The following SUN3 variants were observed in gnomAD, a reference collection of about 807,000 sequenced individuals.
The protein encoded by SUN3 is SUN domain-containing protein 3.
A neutral mutation model predicts 48.2 loss-of-function variants in SUN3; 36 were observed. The observed-to-expected ratio is 0.75, with a 90% CI of 0.57 to 0.99. The LOEUF (loss-of-function observed/expected upper bound fraction) is 0.99, where lower values mean the gene tolerates loss of function less well. SUN3 is among the 50% of genes least tolerant of loss of function. The pLI is 0.00. For synonymous variants in SUN3, 148 were observed against 147.9 expected, an observed-to-expected ratio of 1.00 and a Z score of 0.00; for missense variants, 419 against 433.1, an observed-to-expected ratio of 0.97 and a Z score of 0.29.
rs762227525 is a variant in SUN3 at position 48,007,192 on chromosome 7, G to T, written c.465C>A (p.Asp155Glu). The T allele has an allele frequency of 6.2e-7, 1 of 1,613,944 alleles. No individual in the cohort carries two copies. Among genetic ancestry groups the T allele is most frequent in the Non-Finnish European group, 8.5e-7 (1 of 1,179,918 alleles). Residue 155 changes from aspartate to glutamate, a missense_variant, in exon 5 of 10, where the codon GAC (aspartate) becomes GAA (glutamate). Asp to Glu is a conservative substitution (Grantham distance 45, BLOSUM62 2). Transcript: ENST00000297325. ...DNNHNWNTHG[D>E]PVEDPDHTEE... ...CTGTGTGGTCCGGGTCCTCCACAGG[G>T]TCTCCATGGGTGTTCCAGTTGTGAT...
chr7:47,998,035 A>T (rs926541022), intron 6 of SUN3, among the ~76,000 whole-genome samples: 2 of 152,246 alleles, frequency 1.3e-5, no homozygotes, highest in East Asian at 3.8e-4. Flanking sequence ...GTTGCTATAG[A>T]CATTCTTGGC....
intron 6 of SUN3, among the ~76,000 whole-genome samples, chr7:47,999,618 C>T (rs1291442331): frequency 6.6e-6 from 1 of 152,212 alleles, no homozygotes; most frequent in African/African-American, 2.4e-5. Flanking sequence ...CTGCAATTTC[C>T]GCCTCGCCTT....
rs1396565875 is a variant in SUN3, at chr7:48,006,013, C to G, written c.533G>C (p.Arg178Thr). 1.2e-6 allele frequency: 2 copies of G among 1,613,254 alleles called. No individual in the cohort carries two copies. Among genetic ancestry groups the G allele is most frequent in the African/African-American group, 1.3e-5 (1 of 74,800 alleles). Residue 178 changes from arginine to threonine, a missense_variant, in exon 6 of 10, where the codon AGA (arginine) becomes ACA (threonine). Arg to Thr is a moderately conservative substitution (Grantham distance 71, BLOSUM62 -1). Transcript: ENST00000297325. ...ATCAGCCATCTCGACTTGGTCTTCT[C>G]TCAACTTTTTAAGTACATAATTGAC... is the stretch of plus-strand genomic sequence containing the variant. ...NLVNYVLKKL[R>T]EDQVEMADYA...
At chr7:47,990,195 C>CTCGGGGTTTTACACCCGGGGTTTCAA (rs1241354146) in intron 8 of SUN3, among the ~76,000 whole-genome samples, 1 of 152,146 alleles carries the variant, frequency 6.6e-6, no homozygotes, top group Non-Finnish European at 1.5e-5. Context: ...AATGGAATGT[C>CTCGGGGTTTTACACCCGGGGTTTCAA]TCGGTGTAAA....
At chr7:48,029,796 C>A (rs1319304018), upstream of SUN3, among the ~76,000 whole-genome samples, 2 of 152,190 alleles carry the variant, frequency 1.3e-5, no homozygotes, top group Non-Finnish European at 2.9e-5. Flanking sequence ...ACAGTCATTT[C>A]ACTCTCAGCA....
intron 8 of SUN3, among the ~76,000 whole-genome samples, chr7:47,993,516 T>C (rs1198441506): frequency 6.6e-6 from 1 of 152,182 alleles, no homozygotes; most frequent in South Asian, 2.1e-4. Context: ...ACATCATAAA[T>C]GAACCTTGAA....
chr7:48,017,161 T>G, intron 3 of SUN3, 101 bp downstream of exon 3: 1 of 633,416 alleles, frequency 1.6e-6, no homozygotes, highest in South Asian at 2.0e-5. Flanking sequence ...TTATTAGATA[T>G]TCTCATATAA....
At chr7:47,996,258 GAGGTAAAATTCATACTC>G in intron 6 of SUN3, 112 bp from the exon 7 acceptor site, 1 of 600,246 alleles carries the variant, frequency 1.7e-6, no homozygotes. Flanking sequence ...AATTATAAGC[GAGGTAAAATTCATACTC>G]AGGAATTGAT....
At chr7:48,009,917 G>C (rs965740343) in intron 3 of SUN3, among the ~76,000 whole-genome samples, 3 of 152,244 alleles carry the variant, frequency 2.0e-5, no homozygotes, top group African/African-American at 7.2e-5. Flanking sequence ...AAGAACTTGG[G>C]TCTGGGTGGC....
chr7:48,008,100 A>T (rs1244912162), intron 4 of SUN3, among the ~76,000 whole-genome samples: 1 of 152,218 alleles, frequency 6.6e-6, no homozygotes, highest in Non-Finnish European at 1.5e-5. Context: ...CTGGGATTAC[A>T]GGCGTGAGCC....
intron 3 of SUN3, among the ~76,000 whole-genome samples, chr7:48,011,979 T>C (rs1562608599): frequency 2.6e-5 from 4 of 152,166 alleles, no homozygotes. Flanking sequence ...ATGGCCAAAA[T>C]TTACCACATC....
chr7:48,026,546 C>G (rs1790139416), intron 1 of SUN3, among the ~76,000 whole-genome samples: 2 of 151,276 alleles, frequency 1.3e-5, no homozygotes, highest in Non-Finnish European at 2.9e-5. Flanking sequence ...ATTGAGCATA[C>G]TCAGTTCTGT....
At chr7:48,025,652 A>C (rs542743492) in intron 2 of SUN3, among the ~76,000 whole-genome samples, 5 of 152,366 alleles carry the variant, frequency 3.3e-5, no homozygotes, top group African/African-American at 9.6e-5. Flanking sequence ...GCAAACCACA[A>C]TTCTAAAAGA....
chr7:47,997,680 A>G (rs1789250719), intron 6 of SUN3, among the ~76,000 whole-genome samples: 1 of 152,190 alleles, frequency 6.6e-6, no homozygotes, highest in Non-Finnish European at 1.5e-5. Context: ...ATTTTAGAAC[A>G]TTTAGTCAAC....
rs1276284229 is a variant in SUN3, at chr7:47,996,162, A to C, written c.578-16T>G. 1 of 1,381,706 alleles carries C rather than the reference A, an allele frequency of 7.2e-7. No individual in the cohort carries two copies. The highest frequency in any genetic ancestry group is 2.2e-5 in the Admixed American group (1 of 45,290). 85.6% of individuals were successfully genotyped at this position (1,381,706 alleles called of 1,614,324 possible). A position where few individuals can be genotyped will look rare whatever the true frequency, so the allele number is the denominator to read the frequency against. ...ATGGAGGCTCCTAAAATTATAAAGT[A>C]AGTTGTAAAATAAAGAAACAACATA... is the stretch of plus-strand genomic sequence containing the variant. On this transcript the variant is annotated splice_polypyrimidine_tract_variant and intron_variant, in intron 6 of 9. Coordinates refer to ENST00000297325, the MANE Select transcript of SUN3 (RefSeq NM_001030019.2).
At chr7:48,029,196 T>C, upstream of SUN3, 1 of 440,232 alleles carries the variant, frequency 2.3e-6, no homozygotes, top group South Asian at 2.4e-5. Context: ...ACCACCTCTC[T>C]GCTTCAAGGG....
rs754675072 is a variant in SUN3, at chr7:48,028,982, C to A, written c.-44G>T. The A allele has an allele frequency of 6.2e-7, 1 of 1,611,028 alleles. No homozygotes were observed. Among genetic ancestry groups the A allele is most frequent in the East Asian group, 2.2e-5 (1 of 44,858 alleles). ...AAACAGCTGGTAGGATGAAGAGCAACATTTGTCCTCATTCCTATTTTATGA... is the reference window on the plus strand; with the variant it reads ...AAACAGCTGGTAGGATGAAGAGCAAAATTTGTCCTCATTCCTATTTTATGA... On this transcript the variant is annotated 5_prime_UTR_variant, in exon 1 of 10. The change abolishes an upstream ATG in the 5' untranslated region. Coordinates refer to ENST00000297325, the MANE Select transcript of SUN3 (RefSeq NM_001030019.2).
At chr7:48,005,670 A>C (rs75531721) in intron 6 of SUN3, among the ~76,000 whole-genome samples, 3,693 of 152,168 alleles carry the variant, frequency 0.024, 147 homozygotes, top group African/African-American at 0.084. Context: ...ATAATAATAC[A>C]AAATGTCCTA....
upstream of SUN3, among the ~76,000 whole-genome samples, chr7:48,031,832 G>GCACACACACA (rs3073706): frequency 0.059 from 8,456 of 142,238 alleles, 295 homozygotes; most frequent in Middle Eastern, 0.13. Context: ...TGTGATTTAT[G>GCACACACACA]CACACACACA....
Sources: gnomAD v4.1 joint callset for allele counts (sites outside exome capture counted in the v4.1 genomes callset) on GRCh38, gnomAD v4.1.1 for gene constraint, MANE v1.5 for transcripts, NCBI Gene and HGNC (gene_info 2026-07-23, HGNC 2026-07-21) for gene names.